DDX60L: variants seen among roughly 807,000 people sequenced by gnomAD.
DDX60L encodes DExD/H-box 60 like.
A neutral mutation model predicts 211.6 loss-of-function variants in DDX60L; 191 were observed. The observed-to-expected ratio is 0.90, with a 90% confidence interval of 0.80 to 1.02. DDX60L has a LOEUF of 1.02. DDX60L is among the 50% of genes least tolerant of loss of function. The probability of loss-of-function intolerance (pLI) is 0.00; values close to 1 mark genes in which losing one functional copy is unlikely to be tolerated. For missense variants in DDX60L, 2,007 were observed against 1,984.1 expected (o/e 1.01, Z -0.22); for synonymous variants, 706 against 694.1 (o/e 1.02, Z -0.27).
chr4:168,435,533 T>C (rs1387826232), intron 10 of DDX60L, among the ~76,000 whole-genome samples: 1 of 152,124 alleles, frequency 6.6e-6, no homozygotes, highest in Non-Finnish European at 1.5e-5. Flanking sequence ...CTGCAGCTGC[T>C]GTTCCAGAGG....
At chr4:168,468,763 T>C (rs1278773622) in intron 4 of DDX60L, 2 of 152,282 alleles carry the variant, frequency 1.3e-5, no homozygotes, top group South Asian at 2.1e-4. Context: ...TAATAAGTTG[T>C]TTTAATAAGA....
chr4:168,403,827 T>C (rs973989861), intron 25 of DDX60L, among the ~76,000 whole-genome samples, 155 bp downstream of exon 25: 1 of 152,088 alleles, frequency 6.6e-6, no homozygotes, highest in Admixed American at 6.5e-5. Flanking sequence ...CCCATTTCTT[T>C]AAAAATAAAA....
chr4:168,393,401 C>A (rs1579341119), intron 28 of DDX60L, among the ~76,000 whole-genome samples: 1 of 151,964 alleles, frequency 6.6e-6, no homozygotes, highest in East Asian at 1.9e-4. Flanking sequence ...GAGAATGAGG[C>A]AGGAGAATGG....
intron 5 of DDX60L, among the ~76,000 whole-genome samples, chr4:168,458,257 G>GA (rs1756859174): frequency 6.6e-6 from 1 of 152,092 alleles, no homozygotes; most frequent in Admixed American, 6.6e-5. Flanking sequence ...ATTCCTCAAA[G>GA]ACTTAGAACC....
chr4:168,409,794 G>T (rs1439809481), intron 22 of DDX60L, among the ~76,000 whole-genome samples: 1 of 152,058 alleles, frequency 6.6e-6, no homozygotes, highest in Non-Finnish European at 1.5e-5. Flanking sequence ...ATTAGGCTTT[G>T]GGGTCAGAAC....
chr4:168,438,862 T>C (rs554888906), intron 10 of DDX60L, among the ~76,000 whole-genome samples: 2 of 152,370 alleles, frequency 1.3e-5, no homozygotes, highest in East Asian at 3.9e-4. Context: ...TTCTTCCTTA[T>C]TTTGTCTTGA....
intron 14 of DDX60L, 62 bp from the exon 15 acceptor site, chr4:168,423,836 C>T (rs377278995): frequency 4.6e-5 from 50 of 1,088,706 alleles, no homozygotes; most frequent in East Asian, 4.3e-4. Context: ...TGATCACTTA[C>T]GACAATCATT....
chr4:168,460,458 T>C (rs2150094940), intron 5 of DDX60L, among the ~76,000 whole-genome samples: 1 of 152,264 alleles, frequency 6.6e-6, no homozygotes, highest in Non-Finnish European at 1.5e-5. Context: ...CAGGAACCTC[T>C]AAACACATGG....
Position 168,378,429 on chromosome 4 carries a change from T to C in DDX60L, c.4410A>G (p.Val1470=), listed in dbSNP as rs1279660490. The change falls in exon 33 of 38, where the codon GTA becomes GTG. Residue 1470 remains valine, a synonymous_variant. Transcript: ENST00000682922. ...SQDVMEKLVL[V]LANLFGRKYI... ...ATTTTCTTCCAAACAAATTTGCCAA[T>C]ACTAACACGAGCTTTTCCATCACAT... 1 of 1,575,598 alleles carries C rather than the reference T, an allele frequency of 6.3e-7. No individual in the cohort carries two copies. The highest frequency in any genetic ancestry group is 8.6e-7 in the Non-Finnish European group (1 of 1,157,468).
chr4:168,399,206 C>T (rs1248989716), intron 26 of DDX60L, among the ~76,000 whole-genome samples: 2 of 152,206 alleles, frequency 1.3e-5, no homozygotes, highest in African/African-American at 4.8e-5. Context: ...GAAACACACC[C>T]CTTGCTTGCC....
At chr4:168,402,197 A>T (rs9631774) in intron 25 of DDX60L, among the ~76,000 whole-genome samples, 1 of 145,510 alleles carries the variant, frequency 6.9e-6, no homozygotes, top group Non-Finnish European at 1.5e-5. Flanking sequence ...GTGCACTCGC[A>T]GCTCACTGAA....
intron 29 of DDX60L, 26 bp from the exon 30 acceptor site, chr4:168,384,838 TAA>T (rs774613705): frequency 9.4e-6 from 15 of 1,595,050 alleles, no homozygotes; most frequent in African/African-American, 1.3e-5. Context: ...AATCACAATG[TAA>T]AACCTCCACA....
At chr4:168,375,270 G>A in intron 34 of DDX60L, 107 bp downstream of exon 34, 1 of 1,242,998 alleles carries the variant, frequency 8.0e-7, no homozygotes, top group Non-Finnish European at 1.1e-6. Flanking sequence ...CAGCTGCCCT[G>A]TAATAAGCTC....
chr4:168,480,001 A>G (rs72695182), intron 1 of DDX60L, among the ~76,000 whole-genome samples: 58,628 of 140,346 alleles, frequency 0.42, 13,314 homozygotes, highest in African/African-American at 0.58. Flanking sequence ...AAAAAAAAAA[A>G]AGCTTAAATA....
intron 29 of DDX60L, among the ~76,000 whole-genome samples, chr4:168,385,684 G>A (rs569045573): frequency 9.2e-5 from 14 of 152,244 alleles, no homozygotes; most frequent in South Asian, 4.1e-4. Flanking sequence ...CTGCTCACTC[G>A]GTGGTGAGCA....
intron 1 of DDX60L, among the ~76,000 whole-genome samples, chr4:168,473,803 C>T (rs1759121730): frequency 6.6e-6 from 1 of 152,146 alleles, no homozygotes; most frequent in Non-Finnish European, 1.5e-5. Context: ...CACTCAAATC[C>T]TTGTCTTAGG....
At chr4:168,416,158 A>G (rs1343309029) in intron 20 of DDX60L, among the ~76,000 whole-genome samples, 10 of 152,312 alleles carry the variant, frequency 6.6e-5, no homozygotes, top group Admixed American at 6.5e-4. Context: ...TAACAAAACA[A>G]TACTTGACGT....
In DDX60L at chr4:168,465,879, C is replaced by T. The variant is rs720584; in HGVS notation, c.265-3839G>A. Among the ~76,000 whole-genome samples, 3 of 152,026 alleles carry T rather than the reference C, an allele frequency of 2.0e-5. No individual in the cohort carries two copies. In the East Asian group the frequency reaches 5.8e-4, roughly 29 times the overall value. Reference sequence around the variant, plus strand: ...ACTGTGTTTTTATGCCAGTACCATGCTGTTTGGGTTACTAGAGCTTTGTGG... The same window carrying T: ...ACTGTGTTTTTATGCCAGTACCATGTTGTTTGGGTTACTAGAGCTTTGTGG... On this transcript the variant is annotated intron_variant, in intron 4 of 37. Transcript: ENST00000682922.
intron 26 of DDX60L, among the ~76,000 whole-genome samples, chr4:168,399,148 G>A (rs1746341018): frequency 6.6e-6 from 1 of 152,150 alleles, no homozygotes; most frequent in African/African-American, 2.4e-5. Flanking sequence ...ACAAGAACTT[G>A]GGACCACTGA....
Sources: gnomAD v4.1 joint callset for allele counts (sites outside exome capture counted in the v4.1 genomes callset) on GRCh38, gnomAD v4.1.1 for gene constraint, MANE v1.5 for transcripts, NCBI Gene and HGNC (gene_info 2026-07-23, HGNC 2026-07-21) for gene names.